Variants in SBNO1 observed in about 807,000 individuals in gnomAD.
SBNO1 encodes the protein protein strawberry notch homolog 1.
In SBNO1, 23 loss-of-function variants were observed where a neutral mutation model predicts 173.6. The ratio of observed to expected loss-of-function variants is 0.13; its 90% CI spans 0.10 to 0.19. SBNO1 has a LOEUF of 0.19. Ranked by LOEUF, SBNO1 falls within the 10% of genes least tolerant of loss-of-function variation. The pLI, the probability that SBNO1 is intolerant of heterozygous loss-of-function variation, is 1.00. For missense variants in SBNO1, 1,238 were observed against 1,671.2 expected (o/e 0.74, Z 4.52); for synonymous variants, 632 against 571.5 (o/e 1.11, Z -1.51).
At chr12:123,337,660 A>G (rs1872011801) in intron 5 of SBNO1, among the ~76,000 whole-genome samples, 1 of 152,184 alleles carries the variant, frequency 6.6e-6, no homozygotes, top group Admixed American at 6.5e-5. Flanking sequence ...ATAAAACTCA[A>G]TTTCGGAAAT....
chr12:123,309,218 C>T (rs2048996192), intron 28 of SBNO1, 92 bp downstream of exon 28: 1 of 910,112 alleles, frequency 1.1e-6, no homozygotes, highest in Non-Finnish European at 1.8e-6. Flanking sequence ...CTAAACACAA[C>T]TGGGAAACAG....
At chr12:123,363,234 A>G (rs1875599317) in intron 1 of SBNO1, among the ~76,000 whole-genome samples, 1 of 152,240 alleles carries the variant, frequency 6.6e-6, no homozygotes. Flanking sequence ...ATGAGAGAAA[A>G]TGTTCCCTTG....
chr12:123,346,291 T>G (rs1389291395), intron 3 of SBNO1, among the ~76,000 whole-genome samples: 2 of 152,192 alleles, frequency 1.3e-5, no homozygotes, highest in African/African-American at 4.8e-5. Flanking sequence ...ATGCCTTGAT[T>G]GATGACATTT....
chr12:123,312,216 G>A (rs1302583772), intron 24 of SBNO1, among the ~76,000 whole-genome samples: 11 of 151,860 alleles, frequency 7.2e-5, no homozygotes, highest in African/African-American at 1.9e-4. Flanking sequence ...CTGGGATTAC[G>A]GGCATGAGCC....
intron 14 of SBNO1, among the ~76,000 whole-genome samples, 198 bp downstream of exon 14, chr12:123,325,954 G>C (rs902037348): frequency 1.3e-5 from 2 of 152,146 alleles, no homozygotes; most frequent in Non-Finnish European, 2.9e-5. Flanking sequence ...CAATTATAGT[G>C]ATGTTTACTT....
At chr12:123,308,604 G>A (rs1349385021) in intron 28 of SBNO1, among the ~76,000 whole-genome samples, 2 of 152,064 alleles carry the variant, frequency 1.3e-5, no homozygotes, top group African/African-American at 2.4e-5. Flanking sequence ...GAACCCGGGA[G>A]GTGGAGCTTG....
chr12:123,349,332 G>A (rs989283602), intron 2 of SBNO1, among the ~76,000 whole-genome samples: 2 of 152,002 alleles, frequency 1.3e-5, no homozygotes, highest in Non-Finnish European at 2.9e-5. Flanking sequence ...AAACTCCTGG[G>A]CTCAAGCAAT....
At chr12:123,354,705 T>C (rs909870356) in intron 1 of SBNO1, among the ~76,000 whole-genome samples, 18 of 152,162 alleles carry the variant, frequency 1.2e-4, no homozygotes, top group Admixed American at 1.3e-4. Context: ...ATTTTCACTT[T>C]TAAGTCACAA....
chr12:123,289,909 C>T lies in SBNO1; in HGVS notation c.*5999G>A, dbSNP rs1404388292. 6.6e-6 allele frequency: 1 copy of T among 152,282 alleles called. No individual in the cohort carries two copies. Among genetic ancestry groups the T allele is most frequent in the African/African-American group, 2.4e-5 (1 of 41,460 alleles). The allele number at this position is 152,282 out of a possible 1,614,324, so 9.4% of individuals were successfully genotyped here. A position where few individuals can be genotyped will look rare whatever the true frequency, so the allele number is the denominator to read the frequency against. Reference sequence around the variant, plus strand: ...GCCTTCAGTGTCTGCTGGCCAGAAACATCTGCCCAGGCACAAATGGGCCAC... The same window carrying T: ...GCCTTCAGTGTCTGCTGGCCAGAAATATCTGCCCAGGCACAAATGGGCCAC... On this transcript the variant is annotated 3_prime_UTR_variant, in exon 32 of 32. Transcript: ENST00000602398.
chr12:123,336,791 T>C (rs1053802678), intron 5 of SBNO1, among the ~76,000 whole-genome samples: 5 of 152,148 alleles, frequency 3.3e-5, no homozygotes, highest in Non-Finnish European at 7.4e-5. Context: ...TCACCCCTCC[T>C]TGATGCCCAG....
Position 123,295,756 on chromosome 12 carries a change from CTATTCCAGG to C in SBNO1, c.*143_*151del, listed in dbSNP as rs1182012358. ...CACTGCTGATTTTCAGTTTTGCTATCTATTCCAGGTTTGTCCTTACTCCCAAAAAAACTA... is the reference window on the plus strand; with the variant it reads ...CACTGCTGATTTTCAGTTTTGCTATCTTTGTCCTTACTCCCAAAAAAACTA... On this transcript the variant is annotated 3_prime_UTR_variant, in exon 32 of 32. Coordinates refer to ENST00000602398, the MANE Select transcript of SBNO1 (RefSeq NM_001167856.3). The C allele has an allele frequency of 1.1e-6, 1 of 883,916 alleles. No homozygotes were observed. The highest frequency in any genetic ancestry group is 1.8e-6 in the Non-Finnish European group (1 of 569,404). 54.8% of individuals were successfully genotyped at this position (883,916 alleles called of 1,614,324 possible). A position where few individuals can be genotyped will look rare whatever the true frequency, so the allele number is the denominator to read the frequency against.
chr12:123,331,725 T>A (rs1372993513), intron 7 of SBNO1, among the ~76,000 whole-genome samples: 2 of 152,138 alleles, frequency 1.3e-5, no homozygotes, highest in Non-Finnish European at 2.9e-5. Context: ...TTTCACCATG[T>A]TAGCCAGGAT....
intron 3 of SBNO1, among the ~76,000 whole-genome samples, chr12:123,347,439 G>T (rs1466145591): frequency 6.6e-6 from 1 of 151,880 alleles, no homozygotes; most frequent in African/African-American, 2.4e-5. Context: ...TGTTAACCAG[G>T]ATGGTCTCGA....
Position 123,290,472 on chromosome 12 carries a change from C to T in SBNO1, c.*5436G>A, listed in dbSNP as rs186492822. On this transcript the variant is annotated 3_prime_UTR_variant, in exon 32 of 32. Coordinates refer to ENST00000602398, the MANE Select transcript of SBNO1 (RefSeq NM_001167856.3). ...ATGTCTGCCTCCCGGGTGCTCAACA[C>T]CATCATTTTGATGAACCATCCGGGT... is the stretch of plus-strand genomic sequence containing the variant. The T allele has an allele frequency of 3.9e-5, 6 of 152,290 alleles. No homozygotes were observed. In the East Asian group the frequency reaches 7.7e-4, roughly 20 times the overall value. 9.4% of individuals were successfully genotyped at this position (152,290 alleles called of 1,614,324 possible).
intron 1 of SBNO1, among the ~76,000 whole-genome samples, chr12:123,358,508 C>T (rs1475612855): frequency 6.6e-6 from 1 of 151,696 alleles, no homozygotes; most frequent in Admixed American, 6.6e-5. Context: ...AATCCCAGCA[C>T]TTTGGGAGGC....
chr12:123,315,598 C>T lies in SBNO1; in HGVS notation c.2998G>A (p.Ala1000Thr). 6.2e-7 allele frequency: 1 copy of T among 1,613,978 alleles called. No individual in the cohort carries two copies. Among genetic ancestry groups the T allele is most frequent in the Non-Finnish European group, 8.5e-7 (1 of 1,179,912 alleles). ...PEYVFLISELAGEQRFASIVA... is the reference protein window; with the variant it reads ...PEYVFLISELTGEQRFASIVA... ...ATAGATGCAAATCTTTGTTCTCCTG[C>T]CAGTTCAGATATCAGAAAGACATAC... The change falls in exon 22 of 32, where the codon GCA becomes ACA. Residue 1000 changes from alanine (A) to threonine (T), a missense_variant. Ala to Thr is a moderately conservative substitution (Grantham distance 58). Around this residue, in one of 14 missense-constraint regions of SBNO1, gnomAD observed 39 missense variants for 129.7 expected, o/e 0.30. Coordinates refer to ENST00000602398, the MANE Select transcript of SBNO1 (RefSeq NM_001167856.3).
intron 1 of SBNO1, chr12:123,364,248 G>A (rs1424312120): frequency 6.1e-6 from 6 of 985,532 alleles, no homozygotes; most frequent in African/African-American, 3.5e-5. Flanking sequence ...AGAGCCGGGA[G>A]CAATGCTGGG....
rs1870775562 is a variant in SBNO1 at position 123,327,872 on chromosome 12, TTAAA to T, written c.1432+16_1432+19del. ...AAAAAATAACCTACAATATATATTT[TTAAA>T]TAAATAAATACTCACCAGTTGCACT... On this transcript the variant is annotated intron_variant, in intron 11 of 31. Coordinates refer to ENST00000602398, the MANE Select transcript of SBNO1 (RefSeq NM_001167856.3). The T allele has an allele frequency of 6.3e-6, 10 of 1,585,966 alleles. No individual in the cohort carries two copies. The highest frequency in any genetic ancestry group is 1.4e-5 in the African/African-American group (1 of 73,176).
At chr12:123,325,328 G>C (rs151110485) in intron 15 of SBNO1, among the ~76,000 whole-genome samples, 174 bp downstream of exon 15, 1 of 152,100 alleles carries the variant, frequency 6.6e-6, no homozygotes, top group Admixed American at 6.6e-5. Context: ...TGAGATTTCT[G>C]TTATTGTTTT....
Sources: gnomAD v4.1 joint callset for allele counts (sites outside exome capture counted in the v4.1 genomes callset) on GRCh38, gnomAD v4.1.1 for gene constraint, gnomAD v4.1.1 regional missense constraint, MANE v1.5 for transcripts, NCBI Gene and HGNC (gene_info 2026-07-23, HGNC 2026-07-21) for gene names.